Variants in NSF observed in about 807,000 individuals in gnomAD.
NSF encodes the protein N-ethylmaleimide sensitive factor, vesicle fusing ATPase.
In NSF, 14 loss-of-function variants were observed where a neutral mutation model predicts 50.3. The observed-to-expected ratio is 0.28, with a 90% CI of 0.18 to 0.44. The LOEUF (loss-of-function observed/expected upper bound fraction) is 0.44. NSF is among the 20% of genes least tolerant of loss of function. The pLI, the probability that NSF is intolerant of heterozygous loss-of-function variation, is 1.00. For missense variants in NSF, 218 were observed against 504.3 expected, an observed-to-expected ratio of 0.43 and a Z score of 5.44; for synonymous variants, 109 against 175.7, an observed-to-expected ratio of 0.62 and a Z score of 3.00.
intron 15 of NSF, chr17:46,721,759 T>C: frequency 6.2e-7 from 1 of 1,603,784 alleles, no homozygotes; most frequent in Non-Finnish European, 8.5e-7. Flanking sequence ...CAATTTCGCT[T>C]GGGAAGACCA....
At chr17:46,718,358 G>C (rs1386223133) in intron 15 of NSF, among the ~76,000 whole-genome samples, 2 of 152,000 alleles carry the variant, frequency 1.3e-5, no homozygotes, top group Non-Finnish European at 2.9e-5. Flanking sequence ...ATTATGTATA[G>C]ATCAAAATAA....
At position 46,710,988 on chromosome 17, in the gene NSF, A is replaced by T. The variant is rs777607593; in HGVS notation, c.1496A>T (p.Tyr499Phe). 2.5e-6 allele frequency: 4 copies of T among 1,595,094 alleles called. No homozygotes were observed. The highest frequency in any genetic ancestry group is 3.4e-6 in the Non-Finnish European group (4 of 1,174,982). ...GCCTTTGGCACAAACCAAGAAGATT[A>T]TGCAAGTTACATTATGAACGGTATC... Reference protein sequence around the residue: ...KPAFGTNQEDYASYIMNGIIK... With the variant: ...KPAFGTNQEDFASYIMNGIIK... The change falls in exon 14 of 21, where the codon TAT becomes TTT. Residue 499 changes from tyrosine to phenylalanine, a missense_variant. Physicochemically the swap from Tyr to Phe is conservative, Grantham distance 22. Transcript: ENST00000398238.
chr17:46,745,900 T>C (rs1214763054), intron 17 of NSF, among the ~76,000 whole-genome samples: 1 of 152,204 alleles, frequency 6.6e-6, no homozygotes, highest in African/African-American at 2.4e-5. Context: ...GCTTTTGTTG[T>C]TATTTTGCCC....
intron 15 of NSF, among the ~76,000 whole-genome samples, chr17:46,723,504 C>G (rs2058854615): frequency 6.6e-6 from 1 of 152,208 alleles, no homozygotes; most frequent in African/African-American, 2.4e-5. Flanking sequence ...CATTGTGTAT[C>G]AAGAGACTGA....
At chr17:46,754,149 CTTT>C (rs71363599) in intron 19 of NSF, among the ~76,000 whole-genome samples, 1 of 134,052 alleles carries the variant, frequency 7.5e-6, no homozygotes. Flanking sequence ...CCAGCCAGTT[CTTT>C]TTTTTTTTTT....
At chr17:46,753,379 A>G (rs1001909599) in intron 19 of NSF, among the ~76,000 whole-genome samples, 7 of 152,194 alleles carry the variant, frequency 4.6e-5, no homozygotes, top group Non-Finnish European at 7.3e-5. Flanking sequence ...TGAAAATAAA[A>G]TTTTTTTGAC....
intron 17 of NSF, among the ~76,000 whole-genome samples, chr17:46,748,005 TAAAAAGGTTAGA>T (rs770222068): frequency 3.3e-5 from 5 of 152,226 alleles, no homozygotes; most frequent in Non-Finnish European, 5.9e-5. Context: ...AGTTTTGTAT[TAAAAAGGTTAGA>T]AACAAAAGAT....
At chr17:46,724,960 G>A (rs1342998076) in intron 15 of NSF, among the ~76,000 whole-genome samples, 1 of 151,886 alleles carries the variant, frequency 6.6e-6, no homozygotes, top group Non-Finnish European at 1.5e-5. Flanking sequence ...ATTTCTACTT[G>A]AATTTAAAAT....
intron 8 of NSF, among the ~76,000 whole-genome samples, chr17:46,662,869 ATTCT>A (rs1201764936): frequency 7.2e-6 from 1 of 138,346 alleles, no homozygotes; most frequent in African/African-American, 2.6e-5. Context: ...AGAACTATTT[ATTCT>A]TTATTTAAAA....
intron 15 of NSF, among the ~76,000 whole-genome samples, chr17:46,715,791 C>A (rs1263214564): frequency 6.6e-6 from 1 of 152,192 alleles, no homozygotes; most frequent in Middle Eastern, 3.2e-3. Flanking sequence ...ATTATTTAAT[C>A]TTCAAATTGT....
intron 15 of NSF, chr17:46,722,231 G>A: frequency 7.0e-6 from 9 of 1,291,078 alleles, no homozygotes; most frequent in South Asian, 1.2e-5. Context: ...GCGAGAGCAC[G>A]TCAAAATCCC....
intron 15 of NSF, among the ~76,000 whole-genome samples, chr17:46,721,107 C>T (rs1189334852): frequency 1.3e-5 from 2 of 152,154 alleles, no homozygotes; most frequent in Non-Finnish European, 2.9e-5. Context: ...GTGGCAGAGC[C>T]CCGCTTCTCC....
chr17:46,729,213 T>G, intron 17 of NSF, among the ~76,000 whole-genome samples: 1 of 152,166 alleles, frequency 6.6e-6, no homozygotes, highest in East Asian at 1.9e-4. Flanking sequence ...TTCCACCATA[T>G]TACATATCCC....
intron 17 of NSF, among the ~76,000 whole-genome samples, chr17:46,737,577 G>A (rs974115226): frequency 3.0e-5 from 2 of 66,044 alleles, no homozygotes; most frequent in Non-Finnish European, 1.2e-4. Flanking sequence ...GTGTGCGTGT[G>A]TGTGTGTGTG....
At chr17:46,722,250 TAA>T in intron 15 of NSF, 1 of 1,144,328 alleles carries the variant, frequency 8.7e-7, no homozygotes, top group Non-Finnish European at 1.3e-6. Flanking sequence ...CCTACATTCT[TAA>T]GATTAATTTT....
intron 1 of NSF, among the ~76,000 whole-genome samples, chr17:46,609,761 G>C (rs2057989120): frequency 6.9e-6 from 1 of 144,144 alleles, no homozygotes; most frequent in South Asian, 2.2e-4. Context: ...AAGTCCGTAA[G>C]ATCATGCAGC....
chr17:46,733,375 A>T (rs2058968849), intron 17 of NSF, among the ~76,000 whole-genome samples: 1 of 151,694 alleles, frequency 6.6e-6, no homozygotes, highest in African/African-American at 2.4e-5. Flanking sequence ...TGGGAGACAG[A>T]GTGTCTGAAA....
At chr17:46,733,082 C>T (rs1031718043) in intron 17 of NSF, among the ~76,000 whole-genome samples, 10 of 152,168 alleles carry the variant, frequency 6.6e-5, no homozygotes, top group South Asian at 4.1e-4. Context: ...AGGAAATGTC[C>T]GGCTTAGCAG....
chr17:46,725,453 G>A (rs1374865635), intron 15 of NSF, among the ~76,000 whole-genome samples: 1 of 152,120 alleles, frequency 6.6e-6, no homozygotes, highest in East Asian at 1.9e-4. Context: ...TGGAGAAATT[G>A]TCAGTATTTA....
Sources: gnomAD v4.1 joint callset for allele counts (sites outside exome capture counted in the v4.1 genomes callset) on GRCh38, gnomAD v4.1.1 for gene constraint, MANE v1.5 for transcripts, NCBI Gene and HGNC (gene_info 2026-07-23, HGNC 2026-07-21) for gene names.